FBXO36: variants seen among roughly 807,000 people sequenced by gnomAD.
The protein encoded by FBXO36 is F-box only protein 36.
A neutral mutation model predicts 17.0 loss-of-function variants in FBXO36; 18 were observed. The ratio of observed to expected loss-of-function variants is 1.06; its 90% CI spans 0.73 to 1.57. FBXO36 has a LOEUF of 1.57. Among genes scored for constraint, FBXO36 ranks in the 40% most tolerant of loss-of-function variants. The probability of loss-of-function intolerance (pLI) is 0.00; values close to 1 mark genes in which losing one functional copy is unlikely to be tolerated. For synonymous variants in FBXO36, 83 were observed against 85.3 expected (o/e 0.97, Z 0.15); for missense variants, 229 against 221.9 (o/e 1.03, Z -0.20).
rs557153831 is a variant in FBXO36 at position 229,976,339 on chromosome 2, A to G, written c.195A>G (p.Ser65=). The G allele has an allele frequency of 2.5e-6, 4 of 1,611,652 alleles. 1 individual carries two copies. The South Asian group carries it at 3.3e-5, about 13-fold the overall frequency. The change falls in exon 2 of 4, where the codon TCA becomes TCG. Residue 65 remains serine (S), a synonymous_variant. Coordinates refer to ENST00000283946, the MANE Select transcript of FBXO36 (RefSeq NM_174899.5). ...CCCATGAAGACTTCCTAGAGAATTC[A>G]CATCTTCAAGGTAAGGAACGGAACA... The part of the protein sequence containing the change: ...KETHEDFLEN[S]HLQGQTALIF...
intron 2 of FBXO36, among the ~76,000 whole-genome samples, chr2:229,983,449 C>G (rs1350627762): frequency 1.3e-5 from 2 of 151,594 alleles, no homozygotes; most frequent in Non-Finnish European, 2.9e-5. Context: ...CAGGTGCACA[C>G]CACCATGCCC....
rs545979596 is a variant in FBXO36, at chr2:229,934,454, A to G, written c.96+11845A>G. ...TCCTATTTTGCATCATGAATCTCCA[A>G]GAGACTACTGCAGAGTGGAGCTTTT... On this transcript the variant is annotated intron_variant, in intron 1 of 3. Transcript: ENST00000283946. Among the ~76,000 whole-genome samples, 21 of 152,262 alleles carry G rather than the reference A, an allele frequency of 1.4e-4. No homozygotes were observed. In the South Asian group the frequency reaches 3.7e-3, roughly 27 times the overall value.
chr2:229,991,461 G>A (rs772670570), intron 2 of FBXO36, among the ~76,000 whole-genome samples: 3 of 152,010 alleles, frequency 2.0e-5, no homozygotes, highest in African/African-American at 7.2e-5. Context: ...GTTAGAAGTC[G>A]GACCAGAGGC....
At chr2:229,936,623 CTT>C (rs958025306) in intron 1 of FBXO36, among the ~76,000 whole-genome samples, 1 of 152,132 alleles carries the variant, frequency 6.6e-6, no homozygotes, top group African/African-American at 2.4e-5. Flanking sequence ...AATCCCAACA[CTT>C]TGTGAGCCTG....
At chr2:229,964,336 T>G (rs1477272858) in intron 1 of FBXO36, among the ~76,000 whole-genome samples, 3 of 152,144 alleles carry the variant, frequency 2.0e-5, no homozygotes, top group African/African-American at 7.2e-5. Flanking sequence ...TCCTCATACC[T>G]CTTTGTGGTC....
At chr2:229,954,234 A>ATTTGTTTTTTTTTTTTTTTT (rs2077072357) in intron 1 of FBXO36, among the ~76,000 whole-genome samples, 1 of 71,378 alleles carries the variant, frequency 1.4e-5, no homozygotes, top group African/African-American at 4.9e-5. Flanking sequence ...AACCCTTTGG[A>ATTTGTTTTTTTTTTTTTTTT]TTTTTTTTTT....
At chr2:229,953,606 T>C (rs2077068849) in intron 1 of FBXO36, among the ~76,000 whole-genome samples, 2 of 149,124 alleles carry the variant, frequency 1.3e-5, no homozygotes, top group African/African-American at 4.9e-5. Flanking sequence ...ACTTGAGCCC[T>C]GGCTGCAGTA....
chr2:229,999,035 G>A (rs570304076), intron 3 of FBXO36, among the ~76,000 whole-genome samples: 3 of 151,056 alleles, frequency 2.0e-5, no homozygotes, highest in South Asian at 2.1e-4. Context: ...ATCTCCTGAC[G>A]TTGTGATCTG....
At chr2:229,931,118 C>T (rs757013996) in intron 1 of FBXO36, among the ~76,000 whole-genome samples, 1 of 152,096 alleles carries the variant, frequency 6.6e-6, no homozygotes, top group Non-Finnish European at 1.5e-5. Flanking sequence ...TGGCATATGG[C>T]ACTTTTCTGA....
At chr2:229,968,571 A>G (rs2077165274) in intron 1 of FBXO36, among the ~76,000 whole-genome samples, 1 of 152,144 alleles carries the variant, frequency 6.6e-6, no homozygotes, top group Admixed American at 6.6e-5. Context: ...GGCTTCAAGC[A>G]GTCCCCTTGT....
intron 1 of FBXO36, among the ~76,000 whole-genome samples, chr2:229,954,233 G>GTTTTTT (rs1283205428): frequency 3.0e-5 from 1 of 33,140 alleles, no homozygotes; most frequent in Non-Finnish European, 6.9e-5. Flanking sequence ...AAACCCTTTG[G>GTTTTTT]ATTTTTTTTT....
At chr2:230,007,018 A>G (rs2106218497) in intron 3 of FBXO36, among the ~76,000 whole-genome samples, 1 of 152,326 alleles carries the variant, frequency 6.6e-6, no homozygotes, top group Non-Finnish European at 1.5e-5. Context: ...CAAGGCCTGG[A>G]GCCTGCAGCC....
intron 1 of FBXO36, among the ~76,000 whole-genome samples, chr2:229,958,941 A>G (rs2077106398): frequency 6.6e-6 from 1 of 152,188 alleles, no homozygotes; most frequent in Non-Finnish European, 1.5e-5. Context: ...CACTGAAGAA[A>G]CAGATGATGA....
chr2:229,966,229 TG>T (rs1204049980), intron 1 of FBXO36, among the ~76,000 whole-genome samples: 2 of 152,220 alleles, frequency 1.3e-5, no homozygotes, highest in South Asian at 4.1e-4. Context: ...TGGGGTTGTT[TG>T]TTTTTTTCTT....
At chr2:229,967,461 C>T (rs1196063808) in intron 1 of FBXO36, among the ~76,000 whole-genome samples, 1 of 152,102 alleles carries the variant, frequency 6.6e-6, no homozygotes, top group Admixed American at 6.6e-5. Context: ...GTGCCAGTTT[C>T]CAAAGGGAAT....
intron 2 of FBXO36, among the ~76,000 whole-genome samples, chr2:229,995,050 G>A (rs1388276261): frequency 6.6e-6 from 1 of 152,020 alleles, no homozygotes; most frequent in Non-Finnish European, 1.5e-5. Context: ...GGGGGCGGAG[G>A]TTGCAGTGAG....
At chr2:229,949,743 G>C (rs552613783) in intron 1 of FBXO36, among the ~76,000 whole-genome samples, 25 of 152,216 alleles carry the variant, frequency 1.6e-4, no homozygotes, top group Middle Eastern at 3.4e-3. Context: ...GGCTGACACG[G>C]TGAAACCCTG....
At chr2:229,939,180 A>C in intron 1 of FBXO36, 1 of 952,980 alleles carries the variant, frequency 1.0e-6, no homozygotes, top group Non-Finnish European at 1.2e-6. Flanking sequence ...CAGCCTCCCA[A>C]GTATCTGGGA....
At chr2:229,933,526 G>A (rs929726651) in intron 1 of FBXO36, among the ~76,000 whole-genome samples, 1 of 152,152 alleles carries the variant, frequency 6.6e-6, no homozygotes, top group African/African-American at 2.4e-5. Flanking sequence ...GTGAGAACCA[G>A]ATGTATGTAA....
Sources: allele counts gnomAD v4.1 joint callset (sites outside exome capture counted in the v4.1 genomes callset), GRCh38; gene constraint gnomAD v4.1.1; transcripts MANE v1.5; gene names NCBI Gene and HGNC (gene_info 2026-07-23, HGNC 2026-07-21).